Variants in PCDH7 observed in about 807,000 individuals in gnomAD.
The protein encoded by PCDH7 is protocadherin 7.
PCDH7 carries 17 observed loss-of-function variants against 58.9 expected under a neutral mutation model. That is an observed-to-expected ratio of 0.29 (90% CI 0.20 to 0.43). PCDH7 has a LOEUF of 0.43. PCDH7 is among the 20% of genes least tolerant of loss of function. The pLI, the probability that PCDH7 is intolerant of heterozygous loss-of-function variation, is 1.00. For missense variants in PCDH7, 1,274 were observed against 1,441.0 expected (o/e 0.88, Z 1.88); for synonymous variants, 664 against 616.4 (o/e 1.08, Z -1.14).
At chr4:30,852,672 T>C (rs1732910536) in intron 1 of PCDH7, among the ~76,000 whole-genome samples, 1 of 151,844 alleles carries the variant, frequency 6.6e-6, no homozygotes, top group Admixed American at 6.6e-5. Flanking sequence ...ATGAGCCTCT[T>C]ATTTAATAAT....
chr4:31,143,850 G>A (rs1720507019), downstream of PCDH7: 1 of 152,080 alleles, frequency 6.6e-6, no homozygotes, highest in East Asian at 1.9e-4. Context: ...CTTTTAAAAT[G>A]GATTTTATTT....
intron 1 of PCDH7, among the ~76,000 whole-genome samples, chr4:30,726,027 T>C (rs1014984651): frequency 4.6e-5 from 7 of 152,078 alleles, no homozygotes; most frequent in African/African-American, 1.7e-4. Flanking sequence ...ATATGTCCTT[T>C]GGTGTATGTG....
chr4:30,936,960 A>AACACACACACACACAGACAT (rs1553916761), intron 2 of PCDH7, among the ~76,000 whole-genome samples: 1 of 116,798 alleles, frequency 8.6e-6, no homozygotes, highest in Non-Finnish European at 2.1e-5. Flanking sequence ...GTTCATTCAG[A>AACACACACACACACAGACAT]ACACACACAC....
chr4:30,830,390 A>G (rs932161495), intron 1 of PCDH7, among the ~76,000 whole-genome samples: 2 of 148,988 alleles, frequency 1.3e-5, no homozygotes, highest in African/African-American at 2.5e-5. Context: ...GGACATTATA[A>G]TTTTTGTACA....
chr4:31,088,665 TG>T (rs1185763842), intron 3 of PCDH7, among the ~76,000 whole-genome samples: 5 of 152,090 alleles, frequency 3.3e-5, no homozygotes, highest in Non-Finnish European at 5.9e-5. Context: ...ATTGTGATTT[TG>T]CCTAAAAACA....
intron 3 of PCDH7, among the ~76,000 whole-genome samples, chr4:30,995,210 A>C (rs574684706): frequency 2.6e-5 from 4 of 152,178 alleles, no homozygotes; most frequent in Non-Finnish European, 5.9e-5. Flanking sequence ...ACAAATAAGA[A>C]AAACAGCAAT....
intron 1 of PCDH7, chr4:30,885,012 G>C (rs1477192172): frequency 6.6e-6 from 1 of 152,174 alleles, no homozygotes; most frequent in African/African-American, 2.4e-5. Flanking sequence ...GAGCTGTAAT[G>C]ATGAAGGGTA....
intron 1 of PCDH7, among the ~76,000 whole-genome samples, chr4:30,912,425 C>A (rs73214942): frequency 0.03 from 4,564 of 152,250 alleles, 103 homozygotes; most frequent in Middle Eastern, 0.11. Context: ...ATGCAATGTT[C>A]TGCTCCATGA....
intron 2 of PCDH7, among the ~76,000 whole-genome samples, chr4:30,944,988 A>G (rs903787945): frequency 5.5e-4 from 83 of 152,230 alleles, no homozygotes; most frequent in African/African-American, 1.9e-3. Context: ...AGTGTTTTAC[A>G]ATGTTTTTAA....
intron 1 of PCDH7, among the ~76,000 whole-genome samples, chr4:30,871,058 A>T (rs1441971657): frequency 1.3e-5 from 2 of 152,064 alleles, no homozygotes; most frequent in Non-Finnish European, 2.9e-5. Flanking sequence ...GGTGCTTGTG[A>T]ACTTTACATT....
chr4:30,760,920 T>A (rs557450967), intron 1 of PCDH7, among the ~76,000 whole-genome samples: 1 of 152,290 alleles, frequency 6.6e-6, no homozygotes, highest in African/African-American at 2.4e-5. Context: ...TCTTTGGAGT[T>A]CTGTTTACAC....
chr4:30,857,364 C>T (rs974910392), intron 1 of PCDH7, among the ~76,000 whole-genome samples: 13 of 152,092 alleles, frequency 8.5e-5, no homozygotes, highest in African/African-American at 2.2e-4. Flanking sequence ...TCCCCTCACT[C>T]GGAGCATCTT....
exon 2 of PCDH7, chr4:30,730,826 T>A (rs774354180): frequency 6.4e-7 from 1 of 1,562,156 alleles, no homozygotes; most frequent in South Asian, 1.2e-5. Context: ...TGCACCATAC[T>A]GTGATGACCT....
rs1484513567 is a variant in PCDH7, at chr4:30,859,551, T to A, written c.71-60602T>A. ...ACCTCCAAGATTTAAGTGATTCTCA[T>A]GCCTCAGCCTCCCGAGTAGCTGGGA... On this transcript the variant is annotated intron_variant, in intron 1 of 3. Coordinates refer to the PCDH7 transcript ENST00000509759. 9.9e-5 allele frequency among the ~76,000 whole-genome samples: 15 copies of A among 152,028 alleles called. No homozygotes were observed. In the East Asian group the frequency reaches 2.9e-3, roughly 30 times the overall value.
intron 1 of PCDH7, among the ~76,000 whole-genome samples, chr4:30,881,974 G>C (rs955683652): frequency 6.6e-6 from 1 of 152,044 alleles, no homozygotes; most frequent in Non-Finnish European, 1.5e-5. Context: ...ACCCTTAAAG[G>C]CTACCAAGTG....
chr4:30,889,492 A>G (rs1738318085), intron 1 of PCDH7, among the ~76,000 whole-genome samples: 1 of 152,172 alleles, frequency 6.6e-6, no homozygotes, highest in Non-Finnish European at 1.5e-5. Flanking sequence ...TAAATTTCAC[A>G]ATGTTATAGT....
intron 3 of PCDH7, among the ~76,000 whole-genome samples, chr4:31,015,876 G>T (rs563563577): frequency 3.3e-5 from 5 of 152,104 alleles, no homozygotes; most frequent in Non-Finnish European, 7.4e-5. Context: ...CACATAAAAT[G>T]TCAATATCTA....
chr4:30,760,133 A>G (rs1263883937), intron 1 of PCDH7, among the ~76,000 whole-genome samples: 1 of 152,234 alleles, frequency 6.6e-6, no homozygotes, highest in East Asian at 1.9e-4. Context: ...CAAGGTTAGT[A>G]TCCCCCAGTG....
chr4:30,972,840 C>T (rs763956997), intron 3 of PCDH7, among the ~76,000 whole-genome samples: 3 of 152,172 alleles, frequency 2.0e-5, no homozygotes, highest in Non-Finnish European at 2.9e-5. Flanking sequence ...ACAGCATAAA[C>T]TCACATACAT....
Sources: allele counts gnomAD v4.1 joint callset (sites outside exome capture counted in the v4.1 genomes callset), GRCh38; gene constraint gnomAD v4.1.1; transcripts MANE v1.5; gene names NCBI Gene and HGNC (gene_info 2026-07-23, HGNC 2026-07-21).